SPAG17: variants seen among roughly 807,000 people sequenced by gnomAD.
The protein encoded by SPAG17 is sperm associated antigen 17.
A neutral mutation model predicts 273.6 loss-of-function variants in SPAG17; 169 were observed. The observed-to-expected ratio is 0.62, with a 90% CI of 0.55 to 0.70. The LOEUF (loss-of-function observed/expected upper bound fraction) is 0.70, where lower values mean the gene tolerates loss of function less well. SPAG17 is among the 30% of genes least tolerant of loss of function. The pLI, the probability that SPAG17 is intolerant of heterozygous loss-of-function variation, is 0.00. For missense variants in SPAG17, 2,557 were observed against 2,627.8 expected (o/e 0.97, Z 0.59); for synonymous variants, 825 against 873.2 (o/e 0.94, Z 0.97).
intron 4 of SPAG17, among the ~76,000 whole-genome samples, chr1:118,106,341 G>A (rs555064119): frequency 2.0e-5 from 3 of 151,980 alleles, no homozygotes; most frequent in Non-Finnish European, 4.4e-5. Context: ...TTCATTTTAC[G>A]GAGGAGAAAA....
chr1:118,092,144 A>G, intron 8 of SPAG17, 142 bp from the exon 9 acceptor site: 1 of 708,416 alleles, frequency 1.4e-6, no homozygotes, highest in East Asian at 2.6e-5. Flanking sequence ...CTAATATTAG[A>G]ACCAAAGGAA....
At chr1:117,975,005 G>A (rs1239687460) in intron 43 of SPAG17, among the ~76,000 whole-genome samples, 3 of 152,160 alleles carry the variant, frequency 2.0e-5, no homozygotes, top group Non-Finnish European at 4.4e-5. Flanking sequence ...CAACCATGAG[G>A]AGCAAAGCCC....
Position 118,040,822 on chromosome 1 carries a change from C to T in SPAG17, c.3074G>A (p.Gly1025Glu). ...ITYPFHGYNM[G>E]NIPTQISGSN... is the part of the protein sequence containing the mutation. ...CCCTGAGATTTGAGTGGGTATATTT[C>T]CCATATTGTATCCGTGAAACTAGAA... Residue 1025 changes from glycine to glutamate, a missense_variant, in exon 22 of 49, where the codon GGA (glycine) becomes GAA (glutamate). By Grantham distance (98) the Gly-to-Glu change is moderately conservative. Coordinates refer to ENST00000336338, the MANE Select transcript of SPAG17 (RefSeq NM_206996.4). The T allele has an allele frequency of 6.3e-7, 1 of 1,584,110 alleles. No individual in the cohort carries two copies. The highest frequency in any genetic ancestry group is 8.7e-7 in the Non-Finnish European group (1 of 1,152,380).
At chr1:118,140,121 G>A (rs951760268) in intron 3 of SPAG17, among the ~76,000 whole-genome samples, 3 of 152,090 alleles carry the variant, frequency 2.0e-5, no homozygotes, top group Non-Finnish European at 2.9e-5. Flanking sequence ...CCCTTGACCT[G>A]AGACTTCTCA....
intron 1 of SPAG17, among the ~76,000 whole-genome samples, chr1:118,160,458 C>A (rs532845501): frequency 4.6e-5 from 7 of 152,272 alleles, no homozygotes; most frequent in African/African-American, 1.4e-4. Context: ...ACAAAATAAC[C>A]GACCAATACT....
chr1:118,060,379 T>C (rs891401954), intron 18 of SPAG17, among the ~76,000 whole-genome samples: 1 of 152,108 alleles, frequency 6.6e-6, no homozygotes, highest in Non-Finnish European at 1.5e-5. Context: ...AATCCTAGGC[T>C]CAAATGATAC....
At chr1:118,112,927 T>G (rs1467291530) in intron 4 of SPAG17, among the ~76,000 whole-genome samples, 3 of 152,120 alleles carry the variant, frequency 2.0e-5, no homozygotes, top group Non-Finnish European at 4.4e-5. Context: ...ACTATATTAT[T>G]TATCTTTTTT....
At chr1:118,036,625 CCTCTT>C in intron 24 of SPAG17, 140 bp downstream of exon 24, 1 of 608,306 alleles carries the variant, frequency 1.6e-6, no homozygotes, top group East Asian at 2.8e-5. Context: ...CACACACACA[CCTCTT>C]CTATTACCAT....
intron 28 of SPAG17, among the ~76,000 whole-genome samples, chr1:118,018,674 A>G (rs1390150182): frequency 6.6e-6 from 1 of 152,066 alleles, no homozygotes; most frequent in East Asian, 1.9e-4. Context: ...TGCTACAAAA[A>G]AAAAAAAAAA....
At chr1:118,050,716 T>C (rs991548051) in intron 20 of SPAG17, among the ~76,000 whole-genome samples, 10 of 152,200 alleles carry the variant, frequency 6.6e-5, no homozygotes, top group African/African-American at 2.4e-4. Flanking sequence ...AATTAGACTC[T>C]AATGTGCATG....
chr1:117,954,509 C>T, intron 48 of SPAG17: 2 of 1,413,028 alleles, frequency 1.4e-6, no homozygotes, highest in Non-Finnish European at 2.0e-6. Context: ...ATACAGTTAC[C>T]ACTCTGTCTA....
intron 3 of SPAG17, among the ~76,000 whole-genome samples, chr1:118,130,989 T>C (rs1367048379): frequency 6.6e-6 from 1 of 152,214 alleles, no homozygotes; most frequent in East Asian, 1.9e-4. Flanking sequence ...GTGTACCTTT[T>C]TCTAACTTCT....
intron 1 of SPAG17, among the ~76,000 whole-genome samples, chr1:118,154,643 T>C (rs898514798): frequency 6.6e-6 from 1 of 152,056 alleles, no homozygotes; most frequent in African/African-American, 2.4e-5. Context: ...AGATTAGATT[T>C]GGCAAAATAC....
rs142423465 is a variant in SPAG17, at chr1:118,034,504, A to C, written c.3433+2266T>G. Among the ~76,000 whole-genome samples the C allele has an allele frequency of 2.4e-3, 360 of 152,322 alleles. 1 individual carries two copies. The highest frequency in any genetic ancestry group is 7.6e-3 in the African/African-American group (316 of 41,576). ...AATTCTCACTCACCTCCAAAGACTC[A>C]GTTCACATGCTACTGCCACTTGCTC... On this transcript the variant is annotated intron_variant, in intron 24 of 48. Transcript: ENST00000336338.
chr1:117,969,936 G>T, intron 46 of SPAG17, 120 bp downstream of exon 46: 2 of 849,050 alleles, frequency 2.4e-6, no homozygotes, highest in South Asian at 1.6e-5. Context: ...AAAAACAGTA[G>T]ACTTATACAT....
At chr1:118,130,809 T>C (rs1266747827) in intron 3 of SPAG17, among the ~76,000 whole-genome samples, 1 of 152,206 alleles carries the variant, frequency 6.6e-6, no homozygotes, top group African/African-American at 2.4e-5. Flanking sequence ...GATTATTGAG[T>C]GCATATTCTA....
At chr1:118,095,790 T>G (rs1304676302) in intron 7 of SPAG17, among the ~76,000 whole-genome samples, 2 of 152,082 alleles carry the variant, frequency 1.3e-5, no homozygotes, top group Non-Finnish European at 2.9e-5. Flanking sequence ...TGCCAATATC[T>G]CCAGGATAGG....
intron 3 of SPAG17, among the ~76,000 whole-genome samples, chr1:118,135,278 G>C (rs1026629324): frequency 1.3e-4 from 20 of 152,038 alleles, no homozygotes; most frequent in African/African-American, 4.6e-4. Flanking sequence ...AAAAGTGTCT[G>C]GTGTCATGGG....
intron 3 of SPAG17, among the ~76,000 whole-genome samples, chr1:118,125,152 T>C (rs1033332783): frequency 6.6e-6 from 1 of 152,150 alleles, no homozygotes. Flanking sequence ...TCAGTCCTGA[T>C]AGCTCCAGCT....
Sources: gnomAD v4.1 joint callset for allele counts (sites outside exome capture counted in the v4.1 genomes callset) on GRCh38, gnomAD v4.1.1 for gene constraint, MANE v1.5 for transcripts, NCBI Gene and HGNC (gene_info 2026-07-23, HGNC 2026-07-21) for gene names.